TPPP2: variants seen among roughly 807,000 people sequenced by gnomAD.
TPPP2 encodes tubulin polymerization promoting protein family member 2.
Under a neutral mutation model 13.0 loss-of-function variants are expected in TPPP2, and 8 were observed. That is an observed-to-expected ratio of 0.62 (90% CI 0.36 to 1.11). The LOEUF (loss-of-function observed/expected upper bound fraction) is 1.11. TPPP2 is among the 50% of genes most tolerant of loss of function. TPPP2 has a pLI of 0.02. For missense variants in TPPP2, 213 were observed against 216.9 expected, an observed-to-expected ratio of 0.98 and a Z score of 0.11; for synonymous variants, 81 against 81.8, an observed-to-expected ratio of 0.99 and a Z score of 0.05.
intron 3 of TPPP2, 165 bp downstream of exon 3, chr14:21,031,330 G>A (rs1884112982): frequency 2.3e-6 from 2 of 884,974 alleles, no homozygotes; most frequent in Non-Finnish European, 3.3e-6. Flanking sequence ...CCCAGAGAAG[G>A]GAAGTGACTT....
At chr14:21,031,273 C>A in intron 3 of TPPP2, 108 bp downstream of exon 3, 1 of 1,419,022 alleles carries the variant, frequency 7.0e-7, no homozygotes, top group Non-Finnish European at 9.5e-7. Context: ...AGGGCCGAAA[C>A]AGACTTTAGA....
At chr14:21,035,065 C>T (rs914508590), downstream of TPPP2, among the ~76,000 whole-genome samples, 9 of 152,208 alleles carry the variant, frequency 5.9e-5, no homozygotes, top group Admixed American at 2.0e-4. Context: ...GAGAACAGAG[C>T]ATTCGCCACT....
intron 1 of TPPP2, chr14:21,024,971 C>A (rs1016963982): frequency 1.0e-6 from 1 of 985,674 alleles, no homozygotes; most frequent in Non-Finnish European, 1.2e-6. Flanking sequence ...TCACACCGCC[C>A]GCCGGCCCGG....
At chr14:21,036,073 A>G (rs946771944), downstream of TPPP2, 12 of 396,030 alleles carry the variant, frequency 3.0e-5, no homozygotes, top group Non-Finnish European at 5.5e-5. Flanking sequence ...AAGAGTTTTT[A>G]GACCAGTGCC....
downstream of TPPP2, chr14:21,032,836 T>A (rs1884318349): frequency 2.4e-6 from 1 of 418,036 alleles, no homozygotes; most frequent in Non-Finnish European, 4.7e-6. Context: ...ATTAACTTTT[T>A]ATTTTGAATT....
downstream of TPPP2, chr14:21,033,931 GT>G: frequency 6.2e-7 from 1 of 1,614,004 alleles, no homozygotes; most frequent in Non-Finnish European, 8.5e-7. Flanking sequence ...CAGCTAGTGG[GT>G]GGCTGTTGGT....
At chr14:21,024,767 C>A in intron 1 of TPPP2, 2 of 985,562 alleles carry the variant, frequency 2.0e-6, no homozygotes, top group Non-Finnish European at 2.4e-6. Flanking sequence ...CGAGTCCCTA[C>A]GCAGCCCGTC....
downstream of TPPP2, chr14:21,033,307 A>C (rs1285233818): frequency 6.4e-6 from 2 of 311,612 alleles, no homozygotes; most frequent in African/African-American, 4.5e-5. Flanking sequence ...AGTGAGGCTA[A>C]CATGAGTCTG....
upstream of TPPP2, chr14:21,025,752 T>G (rs1278520029): frequency 2.4e-4 from 38 of 159,306 alleles, no homozygotes; most frequent in Admixed American, 3.6e-3. The surrounding 1 kb of genome is among the most constrained non-coding windows in gnomAD (Gnocchi z 5.1). Context: ...GGCGGGGAGG[T>G]GGGGGCGGGG....
At chr14:21,032,946 T>C (rs774336342), downstream of TPPP2, 6 of 455,880 alleles carry the variant, frequency 1.3e-5, no homozygotes, top group African/African-American at 6.0e-5. Context: ...TACTCAGATG[T>C]GGTTTTAGAA....
At chr14:21,033,332 G>C, downstream of TPPP2, 2 of 293,536 alleles carry the variant, frequency 6.8e-6, no homozygotes, top group Non-Finnish European at 1.3e-5. Context: ...CCTCAGGGAG[G>C]TTCCTATAGC....
At chr14:21,033,898 TG>T (rs1202539119), downstream of TPPP2, 1 of 1,614,042 alleles carries the variant, frequency 6.2e-7, no homozygotes, top group South Asian at 1.1e-5. Context: ...AGCTTCTGGT[TG>T]GTTAGGGTGC....
downstream of TPPP2, chr14:21,034,137 T>G (rs773783067): frequency 3.5e-5 from 56 of 1,614,078 alleles, no homozygotes; most frequent in East Asian, 1.2e-3. Context: ...ACCATTACAA[T>G]AGCCCCGGAA....
chr14:21,029,470 T>A (rs1306593062), upstream of TPPP2, among the ~76,000 whole-genome samples: 3 of 152,030 alleles, frequency 2.0e-5, no homozygotes, highest in African/African-American at 7.3e-5. Flanking sequence ...GCATAGTGGC[T>A]GGGCTAATCC....
chr14:21,028,058 T>G (rs1262556744), upstream of TPPP2, among the ~76,000 whole-genome samples: 1 of 152,100 alleles, frequency 6.6e-6, no homozygotes, highest in Non-Finnish European at 1.5e-5. Context: ...GTTTAGTGAG[T>G]TGCCCAAGTC....
rs923689487 is a variant in TPPP2, at chr14:21,025,116, C to T, written n.236+772C>T. On this transcript the variant is annotated intron_variant and non_coding_transcript_variant, in intron 1 of 1. Coordinates refer to the TPPP2 transcript ENST00000533755. The surrounding 1 kb of genome is among the most constrained non-coding windows in gnomAD (Gnocchi z 5.1). The stretch of plus-strand genomic sequence containing the variant: ...GCTTCCCGCAGACCCGCCCCCGGCC[C>T]GCCCCAGCCCGCCCACGGGCGCTAG... 54 of 984,264 alleles carry T rather than the reference C, an allele frequency of 5.5e-5. No homozygotes were observed. The East Asian group carries it at 5.4e-3, about 98-fold the overall frequency. 61.0% of individuals were successfully genotyped at this position (984,264 alleles called of 1,614,324 possible). A position where few individuals can be genotyped will look rare whatever the true frequency, so the allele number is the denominator to read the frequency against.
At chr14:21,026,700 C>T (rs1883682840), upstream of TPPP2, among the ~76,000 whole-genome samples, 2 of 152,024 alleles carry the variant, frequency 1.3e-5, no homozygotes, top group Admixed American at 1.3e-4. Context: ...CCCTACATCC[C>T]CCAATTTGGA....
Position 21,032,563 on chromosome 14 carries a change from G to A in TPPP2, c.*486G>A. 2.9e-6 allele frequency: 1 copy of A among 346,770 alleles called. No homozygotes were observed. Among genetic ancestry groups the A allele is most frequent in the South Asian group, 2.1e-5 (1 of 46,636 alleles). The allele number at this position is 346,770 out of a possible 1,614,324, so 21.5% of individuals were successfully genotyped here. A position where few individuals can be genotyped will look rare whatever the true frequency, so the allele number is the denominator to read the frequency against. On this transcript the variant is annotated 3_prime_UTR_variant, in exon 4 of 4. Coordinates refer to ENST00000321760, the MANE Select transcript of TPPP2 (RefSeq NM_173846.5). ...AGGTTTTTTGGGTGGAGGAGTAGAA[G>A]CCAGCTAAGGTTGCCTGACTTCTAT...
At chr14:21,024,326 AG>A (rs962709949) in exon 1 of TPPP2, 1 of 984,542 alleles carries the variant, frequency 1.0e-6, no homozygotes, top group African/African-American at 1.7e-5. Flanking sequence ...GGAGGAGAGA[AG>A]GAAGTGCTGA....
Sources: gnomAD v4.1 joint callset for allele counts (sites outside exome capture counted in the v4.1 genomes callset) on GRCh38, gnomAD v4.1.1 for gene constraint, Gnocchi (gnomAD v3.1) non-coding constraint, MANE v1.5 for transcripts, NCBI Gene and HGNC (gene_info 2026-07-23, HGNC 2026-07-21) for gene names.